Variants in ATAD3C observed in about 807,000 individuals in gnomAD.
ATAD3C encodes the protein ATPase family AAA domain-containing protein 3C.
A neutral mutation model predicts 46.3 loss-of-function variants in ATAD3C; 38 were observed. The observed-to-expected ratio is 0.82, with a 90% CI of 0.63 to 1.08. The LOEUF (loss-of-function observed/expected upper bound fraction) is 1.08, where lower values mean the gene tolerates loss of function less well. Ranked by LOEUF, ATAD3C falls within the 50% of genes least tolerant of loss-of-function variation. The probability of loss-of-function intolerance (pLI) is 0.00; values close to 1 mark genes in which losing one functional copy is unlikely to be tolerated. For missense variants in ATAD3C, 563 were observed against 572.7 expected (o/e 0.98, Z 0.17); for synonymous variants, 220 against 236.4 (o/e 0.93, Z 0.63).
chr1:1,457,595 C>CAA lies in ATAD3C; in HGVS notation c.741+433_741+434dup, dbSNP rs777757826. ...TGGGCGACACAGCGAGACTTCATCT[C>CAA]AAAAAAAAAAAAAAAAAAACAAAAA... is the stretch of plus-strand genomic sequence containing the variant. On this transcript the variant is annotated intron_variant, in intron 8 of 11. Coordinates refer to ENST00000378785, the MANE Select transcript of ATAD3C (RefSeq NM_001039211.3). Among the ~76,000 whole-genome samples, 145 of 36,198 alleles carry CAA rather than the reference C, an allele frequency of 4.0e-3. 8 individuals carry two copies. Among genetic ancestry groups the CAA allele is most frequent in the African/African-American group, 9.4e-3 (69 of 7,354 alleles). The allele number at this position is 36,198 out of a possible 152,430, so 23.7% of individuals were successfully genotyped here. A position where few individuals can be genotyped will look rare whatever the true frequency, so the allele number is the denominator to read the frequency against.
chr1:1,468,408 G>T lies in ATAD3C; in HGVS notation c.1114G>T (p.Gly372Trp), dbSNP rs182168962. The T allele has an allele frequency of 2.5e-6, 4 of 1,612,504 alleles. No individual in the cohort carries two copies. Among genetic ancestry groups the T allele is most frequent in the Admixed American group, 1.7e-5 (1 of 59,642 alleles). The stretch of plus-strand genomic sequence containing the variant: ...GGCCACGGCGTATGCCTCCAAGGAC[G>T]GGGTCCTGACCGAGGCCATGATGGA... Reference protein sequence around the residue: ...WQATAYASKDGVLTEAMMDAC... With the variant: ...WQATAYASKDWVLTEAMMDAC... Residue 372 changes from glycine to tryptophan, a missense_variant, in exon 12 of 12, where the codon GGG becomes TGG. By Grantham distance (184) the Gly-to-Trp change is radical. This residue lies in a region of ATAD3C where 273 missense variants were observed against 253.5 expected (regional missense o/e 1.08). Coordinates refer to ENST00000378785, the MANE Select transcript of ATAD3C (RefSeq NM_001039211.3).
intron 3 of ATAD3C, among the ~76,000 whole-genome samples, chr1:1,453,557 G>A (rs957059026): frequency 4.6e-5 from 7 of 151,976 alleles, no homozygotes; most frequent in Non-Finnish European, 8.8e-5. Context: ...GGCTGGTTGC[G>A]AACTCCTGGC....
At chr1:1,451,474 G>A (rs1285404393) in intron 1 of ATAD3C, among the ~76,000 whole-genome samples, 2 of 152,076 alleles carry the variant, frequency 1.3e-5, no homozygotes, top group East Asian at 3.9e-4. Flanking sequence ...AGCCTCCCAA[G>A]TCGCTGGGAT....
In ATAD3C at chr1:1,462,372, T is replaced by C. The variant is rs1240590436; in HGVS notation, c.981-228T>C. ...GTGGGTGCTGAGTGGACAGGGCTGG[T>C]GTTAGGAAGGGGTGCGGCCATCTCC... On this transcript the variant is annotated intron_variant, in intron 10 of 11. Transcript: ENST00000378785. This position sits in a 1 kb window ranked among gnomAD's most constrained non-coding sequence, Gnocchi z 4.5. 1 of 471,418 alleles carries C rather than the reference T, an allele frequency of 2.1e-6. No homozygotes were observed. Among genetic ancestry groups the C allele is most frequent in the African/African-American group, 2.0e-5 (1 of 50,130 alleles). The allele number at this position is 471,418 out of a possible 1,614,324, so 29.2% of individuals were successfully genotyped here.
intron 1 of ATAD3C, among the ~76,000 whole-genome samples, chr1:1,451,471 C>T: frequency 6.6e-6 from 1 of 151,966 alleles, no homozygotes; most frequent in East Asian, 1.9e-4. Context: ...CTCAGCCTCC[C>T]AAGTCGCTGG....
chr1:1,450,728 G>A lies in ATAD3C; in HGVS notation c.45G>A (p.Thr15=), dbSNP rs764063801. 15 of 1,613,114 alleles carry A rather than the reference G, an allele frequency of 9.3e-6. No homozygotes were observed. The highest frequency in any genetic ancestry group is 2.7e-5 in the African/African-American group (2 of 74,928). The part of the protein sequence containing the change: ...ALNLAQMQEQ[T]LQLEQQSKLK... ...ATCTGGCGCAGATGCAGGAGCAGAC[G>A]CTGCAGTTGGAGCAACAGTCCAAGC... is the stretch of plus-strand genomic sequence containing the variant. The change falls in exon 1 of 12, where the codon ACG becomes ACA. Residue 15 remains threonine (T), a synonymous_variant. Transcript: ENST00000378785.
rs570579916 is a variant in ATAD3C, at chr1:1,462,780, C to G, written c.1089+72C>G. 6.7e-5 allele frequency: 100 copies of G among 1,483,112 alleles called. 2 individuals carry two copies. The South Asian group carries it at 1.1e-3, about 17-fold the overall frequency. 91.9% of individuals were successfully genotyped at this position (1,483,112 alleles called of 1,614,324 possible). A position where few individuals can be genotyped will look rare whatever the true frequency, so the allele number is the denominator to read the frequency against. On this transcript the variant is annotated intron_variant, in intron 11 of 11. Coordinates refer to ENST00000378785, the MANE Select transcript of ATAD3C (RefSeq NM_001039211.3). The surrounding 1 kb of genome is among the most constrained non-coding windows in gnomAD (Gnocchi z 4.5). ...GTGCAGATGCTTGGTTGCGCCAGGC[C>G]TGTCCCAGCACCGGTGTCACGTGGG...
intron 1 of ATAD3C, among the ~76,000 whole-genome samples, 194 bp downstream of exon 1, chr1:1,450,952 G>A (rs974110623): frequency 2.0e-5 from 3 of 151,910 alleles, no homozygotes; most frequent in South Asian, 4.2e-4. Flanking sequence ...AGAGCCGCCC[G>A]AGAGGGAGGG....
chr1:1,461,273 T>C (rs1227322106), intron 10 of ATAD3C, among the ~76,000 whole-genome samples: 1 of 151,966 alleles, frequency 6.6e-6, no homozygotes, highest in African/African-American at 2.4e-5. Flanking sequence ...CTGCAACCCC[T>C]GCCTCCTGGA....
intron 11 of ATAD3C, among the ~76,000 whole-genome samples, chr1:1,467,085 A>T (rs1463268506): frequency 1.3e-5 from 2 of 152,018 alleles, no homozygotes; most frequent in African/African-American, 4.8e-5. Context: ...CGTGGTGAAC[A>T]TCATGTGTCA....
chr1:1,458,207 C>T (rs979031304), intron 8 of ATAD3C, among the ~76,000 whole-genome samples: 7 of 151,876 alleles, frequency 4.6e-5, no homozygotes, highest in African/African-American at 1.7e-4. Context: ...TTGAGAACTC[C>T]TGACCTCAAA....
At position 1,457,111 on chromosome 1, in the gene ATAD3C, C is replaced by A. The variant is rs748210707; in HGVS notation, c.690-18C>A. On this transcript the variant is annotated intron_variant, in intron 7 of 11. Coordinates refer to ENST00000378785, the MANE Select transcript of ATAD3C (RefSeq NM_001039211.3). ...CTGGCATCACTCTCACCCAGCTTGG[C>A]CTCCCTCTCGTCCACAGCCTCCTGC... 1 of 1,613,104 alleles carries A rather than the reference C, an allele frequency of 6.2e-7. No individual in the cohort carries two copies. Among genetic ancestry groups the A allele is most frequent in the African/African-American group, 1.3e-5 (1 of 74,904 alleles).
intron 8 of ATAD3C, among the ~76,000 whole-genome samples, chr1:1,458,869 T>C (rs747893679): frequency 1.6e-4 from 25 of 151,818 alleles, no homozygotes; most frequent in Admixed American, 5.3e-4. Flanking sequence ...ACCACAGGTG[T>C]GCCACCACGC....
chr1:1,450,727 C>A lies in ATAD3C; in HGVS notation c.44C>A (p.Thr15Lys). The A allele has an allele frequency of 6.2e-7, 1 of 1,613,220 alleles. No homozygotes were observed. Among genetic ancestry groups the A allele is most frequent in the Non-Finnish European group, 8.5e-7 (1 of 1,179,578 alleles). ...AATCTGGCGCAGATGCAGGAGCAGACGCTGCAGTTGGAGCAACAGTCCAAG... is the reference window on the plus strand; with the variant it reads ...AATCTGGCGCAGATGCAGGAGCAGAAGCTGCAGTTGGAGCAACAGTCCAAG... ...ALNLAQMQEQ[T>K]LQLEQQSKLK... is the part of the protein sequence containing the mutation. The change falls in exon 1 of 12, where the codon ACG becomes AAG. Residue 15 changes from threonine (T) to lysine (K), a missense_variant. By Grantham distance (78) the Thr-to-Lys change is moderately conservative. Coordinates refer to ENST00000378785, the MANE Select transcript of ATAD3C (RefSeq NM_001039211.3).
rs1262015825 is a variant in ATAD3C at position 1,459,917 on chromosome 1, C to T, written c.812+686C>T. ...CCTGCTGGTCGGCCGTGGCTGACTCCTCAGGCACGTTGGGCTCCTGGGTCA... is the reference window on the plus strand; with the variant it reads ...CCTGCTGGTCGGCCGTGGCTGACTCTTCAGGCACGTTGGGCTCCTGGGTCA... On this transcript the variant is annotated intron_variant, in intron 9 of 11. Coordinates refer to ENST00000378785, the MANE Select transcript of ATAD3C (RefSeq NM_001039211.3). The surrounding 1 kb of genome is among the most constrained non-coding windows in gnomAD (Gnocchi z 4.9). Among the ~76,000 whole-genome samples the T allele has an allele frequency of 1.3e-5, 2 of 152,018 alleles. No individual in the cohort carries two copies. Among genetic ancestry groups the T allele is most frequent in the Admixed American group, 6.6e-5 (1 of 15,242 alleles).
rs765293035 is a variant in ATAD3C, at chr1:1,460,813, C to G, written c.876C>G (p.Ile292Met). ...EQFDWAINAC[I>M]DVMVHFDLPG... ...TCGACTGGGCCATCAATGCCTGCATCGACGTGATGGTCCACTTCGACCTGC... is the reference window on the plus strand; with the variant it reads ...TCGACTGGGCCATCAATGCCTGCATGGACGTGATGGTCCACTTCGACCTGC... Residue 292 changes from isoleucine to methionine, a missense_variant, in exon 10 of 12, where the codon ATC becomes ATG. Around this residue, in one of 3 missense-constraint regions of ATAD3C, gnomAD observed 273 missense variants for 253.5 expected, o/e 1.08. Coordinates refer to ENST00000378785, the MANE Select transcript of ATAD3C (RefSeq NM_001039211.3). 26 of 1,612,958 alleles carry G rather than the reference C, an allele frequency of 1.6e-5. No individual in the cohort carries two copies. The highest frequency in any genetic ancestry group is 2.2e-5 in the Non-Finnish European group (26 of 1,179,396).
At position 1,452,117 on chromosome 1, in the gene ATAD3C, C is replaced by T. The variant is rs376575086; in HGVS notation, c.147C>T (p.Ser49=). The part of the protein sequence containing the change: ...VQKHHQTFLE[S]IRAAGTLFGE... ...AGCACCATCAGACCTTCTTGGAGTC[C>T]ATCAGGTGAGCGCTGCCGAGGCCCG... Residue 49 remains serine (S), a synonymous_variant, in exon 2 of 12, where the codon TCC becomes TCT. Coordinates refer to ENST00000378785, the MANE Select transcript of ATAD3C (RefSeq NM_001039211.3). 1.9e-5 allele frequency: 31 copies of T among 1,613,412 alleles called. No individual in the cohort carries two copies. In the Middle Eastern group the frequency reaches 4.9e-4, roughly 26 times the overall value.
rs1638979872 is a variant in ATAD3C, at chr1:1,457,302, A to G, written c.741+122A>G. On this transcript the variant is annotated intron_variant, in intron 8 of 11. Coordinates refer to ENST00000378785, the MANE Select transcript of ATAD3C (RefSeq NM_001039211.3). ...TTTCTCTAAGTTTTGTGTGAAAAAC[A>G]CAGCATTTTTGGCCAGGTGTGGAGG... 1.2e-5 allele frequency: 18 copies of G among 1,535,188 alleles called. 1 individual carries two copies. The highest frequency in any genetic ancestry group is 2.3e-5 in the South Asian group (2 of 88,094).
rs369512181 is a variant in ATAD3C, at chr1:1,460,952, G to T, written c.980+35G>T. 7.1e-4 allele frequency: 1,119 copies of T among 1,574,930 alleles called. 19 individuals are homozygous for T. Among genetic ancestry groups the T allele is most frequent in the Non-Finnish European group, 9.0e-4 (1,044 of 1,158,688 alleles). ...CCGCCCCACCAGCCCCCGTCCAGGG[G>T]CCCTCGCTCAGGGTCCACCCCTGCT... On this transcript the variant is annotated intron_variant, in intron 10 of 11. Coordinates refer to ENST00000378785, the MANE Select transcript of ATAD3C (RefSeq NM_001039211.3).
Sources: allele counts gnomAD v4.1 joint callset (sites outside exome capture counted in the v4.1 genomes callset), GRCh38; gene constraint gnomAD v4.1.1; regional missense constraint gnomAD v4.1.1; non-coding constraint Gnocchi (gnomAD v3.1); transcripts MANE v1.5; gene names NCBI Gene and HGNC (gene_info 2026-07-23, HGNC 2026-07-21).